IGBP1C: variants seen among roughly 807,000 people sequenced by gnomAD.
The protein encoded by IGBP1C is IGBP1 family member C.
chr17:58,669,809 G>A, the IGBP1C span, among the ~76,000 whole-genome samples: 1 of 150,606 alleles, frequency 6.6e-6, no homozygotes, highest in Non-Finnish European at 1.5e-5. Flanking sequence ...ACCCTCATGT[G>A]AATACATGTT....
chr17:58,668,275 C>T, the IGBP1C span, among the ~76,000 whole-genome samples: 1 of 152,244 alleles, frequency 6.6e-6, no homozygotes, highest in Admixed American at 6.5e-5. Flanking sequence ...TTCTCCTCCA[C>T]TACAAGACCC....
the IGBP1C span, among the ~76,000 whole-genome samples, chr17:58,673,720 C>A: frequency 6.6e-6 from 1 of 151,778 alleles, no homozygotes; most frequent in Non-Finnish European, 1.5e-5. Flanking sequence ...CACCACCATG[C>A]CCAGCTAATT....
At chr17:58,671,392 A>G in the IGBP1C span, among the ~76,000 whole-genome samples, 3 of 152,118 alleles carry the variant, frequency 2.0e-5, no homozygotes, top group Admixed American at 2.0e-4. Flanking sequence ...AGTGGTGAAG[A>G]TTTCTCTGCC....
the IGBP1C span, among the ~76,000 whole-genome samples, chr17:58,665,154 T>A: frequency 1.3e-5 from 2 of 152,024 alleles, no homozygotes; most frequent in Non-Finnish European, 2.9e-5. Context: ...TATATTATTA[T>A]TTTTATTATT....
the IGBP1C span, among the ~76,000 whole-genome samples, chr17:58,663,033 C>T: frequency 4.7e-5 from 7 of 150,102 alleles, no homozygotes; most frequent in African/African-American, 1.7e-4. Flanking sequence ...GGTGTGAACC[C>T]GGGAGGCAGA....
At chr17:58,661,700 C>G in the IGBP1C span, 1 of 586,592 alleles carries the variant, frequency 1.7e-6, no homozygotes, top group African/African-American at 1.9e-5. Context: ...GGGCGCTGCA[C>G]GGCAGGGCAG....
the IGBP1C span, among the ~76,000 whole-genome samples, chr17:58,686,998 C>T: frequency 2.7e-5 from 4 of 150,758 alleles, no homozygotes; most frequent in Non-Finnish European, 4.4e-5. Context: ...CTCAGTCTCC[C>T]GAGTAGCTGG....
the IGBP1C span, among the ~76,000 whole-genome samples, chr17:58,667,425 ATG>A: frequency 6.6e-6 from 1 of 152,190 alleles, no homozygotes; most frequent in East Asian, 1.9e-4. Context: ...TAATTATAAC[ATG>A]TGAGTCAGGC....
chr17:58,670,003 G>A, the IGBP1C span, among the ~76,000 whole-genome samples: 2 of 152,106 alleles, frequency 1.3e-5, no homozygotes, highest in Non-Finnish European at 2.9e-5. Context: ...CCATACCGCC[G>A]TGGCAGCCAC....
chr17:58,671,378 A>G, the IGBP1C span, among the ~76,000 whole-genome samples: 1 of 152,124 alleles, frequency 6.6e-6, no homozygotes, highest in South Asian at 2.1e-4. Context: ...TGTGAATGTG[A>G]GATAGTGGTG....
At chr17:58,682,695 G>A in the IGBP1C span, among the ~76,000 whole-genome samples, 1 of 152,184 alleles carries the variant, frequency 6.6e-6, no homozygotes, top group East Asian at 1.9e-4. Flanking sequence ...AGAGTCTTAA[G>A]TGGCTCATGA....
the IGBP1C span, among the ~76,000 whole-genome samples, chr17:58,672,368 A>C: frequency 6.6e-6 from 1 of 152,200 alleles, no homozygotes. Flanking sequence ...AAGTTGCAGA[A>C]TCTTCCAGCA....
At chr17:58,660,835 T>C in the IGBP1C span, 2 of 786,216 alleles carry the variant, frequency 2.5e-6, no homozygotes, top group South Asian at 2.7e-5. Context: ...CGCCAAATAC[T>C]TTGGCTTGCG....
the IGBP1C span, chr17:58,666,597 T>A: frequency 6.6e-6 from 1 of 151,534 alleles, no homozygotes; most frequent in Non-Finnish European, 1.5e-5. Flanking sequence ...GTTACCCACA[T>A]TTGGGGAAAT....
chr17:58,669,733 CAAAAAAA>C, the IGBP1C span, among the ~76,000 whole-genome samples: 1 of 56,298 alleles, frequency 1.8e-5, no homozygotes, highest in Non-Finnish European at 3.5e-5. Flanking sequence ...GACTCCGTCT[CAAAAAAA>C]AAAAAAAAAA....
the IGBP1C span, among the ~76,000 whole-genome samples, chr17:58,680,962 T>C: frequency 2.0e-5 from 3 of 152,102 alleles, no homozygotes; most frequent in Admixed American, 6.6e-5. Flanking sequence ...TTTTCCATCT[T>C]TACAAAAGGA....
At chr17:58,686,498 C>T in the IGBP1C span, among the ~76,000 whole-genome samples, 1 of 152,044 alleles carries the variant, frequency 6.6e-6, no homozygotes, top group African/African-American at 2.4e-5. Flanking sequence ...TGCATCTGGA[C>T]GGCAGAGGGT....
chr17:58,684,336 C>A, the IGBP1C span, among the ~76,000 whole-genome samples: 13 of 151,740 alleles, frequency 8.6e-5, no homozygotes, highest in Non-Finnish European at 1.9e-4. Context: ...GTGGTGGGTG[C>A]CTGTAATCCC....
the IGBP1C span, among the ~76,000 whole-genome samples, chr17:58,676,437 G>A: frequency 1.3e-5 from 2 of 151,938 alleles, no homozygotes; most frequent in East Asian, 1.9e-4. Context: ...GCAGGCGTCT[G>A]TAATCTCAGC....
Sources: gnomAD v4.1 joint callset for allele counts (sites outside exome capture counted in the v4.1 genomes callset) on GRCh38, gnomAD v4.1.1 for gene constraint, MANE v1.5 for transcripts, NCBI Gene and HGNC (gene_info 2026-07-23, HGNC 2026-07-21) for gene names.